The following IBTK variants were observed in gnomAD, a reference collection of about 807,000 sequenced individuals.
IBTK encodes the protein inhibitor of Bruton tyrosine kinase, also known as BTK-binding protein.
A neutral mutation model predicts 154.9 loss-of-function variants in IBTK; 83 were observed. The observed-to-expected ratio is 0.54, with a 90% confidence interval of 0.45 to 0.64. The LOEUF (loss-of-function observed/expected upper bound fraction) is 0.64, where lower values mean the gene tolerates loss of function less well. Ranked by LOEUF, IBTK falls within the 30% of genes least tolerant of loss-of-function variation. The pLI, the probability that IBTK is intolerant of heterozygous loss-of-function variation, is 0.00. For missense variants in IBTK, 1,332 were observed against 1,584.6 expected (o/e 0.84, Z 2.71); for synonymous variants, 515 against 536.1 (o/e 0.96, Z 0.54).
At position 82,214,605 on chromosome 6, in the gene IBTK, T is replaced by C; in HGVS notation, c.1826A>G (p.Asp609Gly). The C allele has an allele frequency of 1.2e-6, 2 of 1,614,092 alleles. No homozygotes were observed. Among genetic ancestry groups the C allele is most frequent in the Non-Finnish European group, 1.7e-6 (2 of 1,179,992 alleles). ...GAGATGGCACCCTGCAGAATCTTCA[T>C]CTTTCTGGTAAATATCTGTAAATTC... is the stretch of plus-strand genomic sequence containing the variant. The part of the protein sequence containing the change: ...TSEFTDIYQK[D>G]EDSAGCHLFV... The change falls in exon 12 of 29, where the codon GAT becomes GGT. Residue 609 changes from aspartate (D) to glycine (G), a missense_variant. Coordinates refer to ENST00000306270, the MANE Select transcript of IBTK (RefSeq NM_015525.4).
In IBTK at chr6:82,185,757, T is replaced by C. The variant is rs975600435; in HGVS notation, c.3576-3729A>G. Among the ~76,000 whole-genome samples, 3 of 152,134 alleles carry C rather than the reference T, an allele frequency of 2.0e-5. No individual in the cohort carries two copies. In the South Asian group the frequency reaches 6.2e-4, roughly 32 times the overall value. On this transcript the variant is annotated intron_variant, in intron 25 of 28. Coordinates refer to ENST00000306270, the MANE Select transcript of IBTK (RefSeq NM_015525.4). ...TATATTCACTCAATAATTAATGTTT[T>C]ATCCAGAGTTCAGGTTAAAATACTT...
chr6:82,215,122 C>T (rs946630235), intron 11 of IBTK, among the ~76,000 whole-genome samples: 1 of 152,064 alleles, frequency 6.6e-6, no homozygotes, highest in African/African-American at 2.4e-5. Context: ...GCAATTACAC[C>T]TTCCCAACCA....
In IBTK at chr6:82,181,891, G is replaced by T; in HGVS notation, c.3713C>A (p.Pro1238Gln). 1 of 1,575,794 alleles carries T rather than the reference G, an allele frequency of 6.3e-7. No homozygotes were observed. Among genetic ancestry groups the T allele is most frequent in the East Asian group, 2.3e-5 (1 of 43,912 alleles). ...TTTGTTTTATTACCTGACAATTTTT[G>T]GTGCCTGAGAATTTTCAATTCCTTT... ...SFKGIENSQA[P>Q]KIVRCSTHGT... Residue 1238 changes from proline (P) to glutamine (Q), a missense_variant, in exon 26 of 29, where the codon CCA becomes CAA. Transcript: ENST00000306270.
In IBTK at chr6:82,197,705, A is replaced by G. The variant is rs578242286; in HGVS notation, c.3026-1259T>C. 5.3e-5 allele frequency among the ~76,000 whole-genome samples: 8 copies of G among 152,268 alleles called. No individual in the cohort carries two copies. The East Asian group carries it at 1.5e-3, about 29-fold the overall frequency. On this transcript the variant is annotated intron_variant, in intron 21 of 28. Coordinates refer to ENST00000306270, the MANE Select transcript of IBTK (RefSeq NM_015525.4). ...ATATTTTTAAGGCTGGCAAATTTTCATCGAAGAGAATACATCTAATATTAG... is the reference window on the plus strand; with the variant it reads ...ATATTTTTAAGGCTGGCAAATTTTCGTCGAAGAGAATACATCTAATATTAG...
rs566270710 is a variant in IBTK, at chr6:82,212,946, T to G, written c.2205-153A>C. ...CCTACTCTGAGATAAAGAAATATCATACTTTTTCTTCCATTTTAGTTAGAA... is the reference window on the plus strand; with the variant it reads ...CCTACTCTGAGATAAAGAAATATCAGACTTTTTCTTCCATTTTAGTTAGAA... On this transcript the variant is annotated intron_variant, in intron 12 of 28. Transcript: ENST00000306270. Among the ~76,000 whole-genome samples, 3 of 152,350 alleles carry G rather than the reference T, an allele frequency of 2.0e-5. No individual in the cohort carries two copies. In the South Asian group the frequency reaches 6.2e-4, roughly 32 times the overall value.
chr6:82,208,576 T>TTA (rs1554184976), intron 16 of IBTK, among the ~76,000 whole-genome samples: 1 of 151,854 alleles, frequency 6.6e-6, no homozygotes, highest in Admixed American at 6.6e-5. Context: ...GCTCTGTCTC[T>TTA]AAAAAAATTT....
At chr6:82,220,491 G>C in intron 9 of IBTK, 99 bp downstream of exon 9, 2 of 1,233,164 alleles carry the variant, frequency 1.6e-6, no homozygotes, top group Non-Finnish European at 2.2e-6. Context: ...AAAGTCAATA[G>C]GAATTGTCAC....
chr6:82,213,270 CT>C (rs778894604), intron 12 of IBTK, among the ~76,000 whole-genome samples: 26 of 152,292 alleles, frequency 1.7e-4, no homozygotes, highest in Admixed American at 2.6e-4. Context: ...CTCAGGAGAT[CT>C]GCCCACCTCA....
chr6:82,182,908 G>A (rs1473858036), intron 25 of IBTK, among the ~76,000 whole-genome samples: 1 of 152,156 alleles, frequency 6.6e-6, no homozygotes, highest in Admixed American at 6.5e-5. Flanking sequence ...TCCTCTTCAA[G>A]TCATGCCTTG....
Position 82,200,650 on chromosome 6 carries a change from T to G in IBTK, c.2849A>C (p.Tyr950Ser). The G allele has an allele frequency of 1.3e-6, 2 of 1,598,356 alleles. No individual in the cohort carries two copies. The highest frequency in any genetic ancestry group is 1.7e-6 in the Non-Finnish European group (2 of 1,173,462). Residue 950 changes from tyrosine to serine, a missense_variant, in exon 20 of 29, where the codon TAT (tyrosine) becomes TCT (serine). Coordinates refer to ENST00000306270, the MANE Select transcript of IBTK (RefSeq NM_015525.4). ...GATATCTCCATCTTCTACTTCCAAA[T>G]AGCTAATATCTGGTCCATCTTGATA... ...TPYQDGPDIS[Y>S]LEVEDGDIFL... is the part of the protein sequence containing the mutation.
intron 25 of IBTK, among the ~76,000 whole-genome samples, chr6:82,190,020 G>T (rs1272085885): frequency 6.6e-6 from 1 of 152,110 alleles, no homozygotes; most frequent in Non-Finnish European, 1.5e-5. Context: ...CATTTAGAAG[G>T]TGCTTAACAA....
intron 11 of IBTK, 90 bp from the exon 12 acceptor site, chr6:82,214,919 T>C: frequency 7.4e-7 from 1 of 1,351,258 alleles, no homozygotes; most frequent in Non-Finnish European, 9.9e-7. Flanking sequence ...AAATGCAATT[T>C]TTTTAACAAT....
intron 13 of IBTK, 33 bp from the exon 14 acceptor site, chr6:82,211,605 A>G: frequency 6.6e-7 from 1 of 1,515,022 alleles, no homozygotes; most frequent in South Asian, 1.1e-5. Context: ...AGCAAGAGCA[A>G]TTTCTTTACA....
chr6:82,203,312 T>C (rs1582212607), intron 17 of IBTK, among the ~76,000 whole-genome samples: 1 of 152,256 alleles, frequency 6.6e-6, no homozygotes, highest in Admixed American at 6.5e-5. Flanking sequence ...CAGAATATTC[T>C]ACCTACATAA....
At chr6:82,201,768 G>A (rs540706884) in intron 18 of IBTK, among the ~76,000 whole-genome samples, 1 of 151,618 alleles carries the variant, frequency 6.6e-6, no homozygotes, top group African/African-American at 2.4e-5. Flanking sequence ...TGTCACCCAG[G>A]CTGGAGTGCA....
chr6:82,186,597 T>A (rs1768564760), intron 25 of IBTK, among the ~76,000 whole-genome samples: 1 of 152,178 alleles, frequency 6.6e-6, no homozygotes, highest in South Asian at 2.1e-4. Context: ...ACTAAGGTAG[T>A]CTGGAACCGA....
chr6:82,172,542 C>T, intron 27 of IBTK, 30 bp from the exon 28 acceptor site: 1 of 1,579,116 alleles, frequency 6.3e-7, no homozygotes, highest in Non-Finnish European at 8.6e-7. Context: ...GAGTTTCATT[C>T]ATCTTCCTAA....
chr6:82,193,524 T>C (rs778177516), intron 23 of IBTK, among the ~76,000 whole-genome samples: 1 of 152,122 alleles, frequency 6.6e-6, no homozygotes, highest in Non-Finnish European at 1.5e-5. Flanking sequence ...CTGCAAAATA[T>C]AGCCTATTTC....
At chr6:82,210,946 C>A (rs940018362) in intron 15 of IBTK, 36 bp from the exon 16 acceptor site, 1 of 1,174,750 alleles carries the variant, frequency 8.5e-7, no homozygotes, top group South Asian at 1.6e-5. Flanking sequence ...TAAAATAATT[C>A]ATTCTAAACA....
Sources: allele counts gnomAD v4.1 joint callset (sites outside exome capture counted in the v4.1 genomes callset), GRCh38; gene constraint gnomAD v4.1.1; transcripts MANE v1.5; gene names NCBI Gene and HGNC (gene_info 2026-07-23, HGNC 2026-07-21).